The following NPRL3 variants were observed in gnomAD, a reference collection of about 807,000 sequenced individuals.
NPRL3 encodes the protein NPR3 like, GATOR1 complex subunit.
NPRL3 carries 23 observed loss-of-function variants against 57.2 expected under a neutral mutation model. The observed-to-expected ratio is 0.40, with a 90% CI of 0.29 to 0.57. The LOEUF (loss-of-function observed/expected upper bound fraction) is 0.57. Ranked by LOEUF, NPRL3 falls within the 20% of genes least tolerant of loss-of-function variation. The probability of loss-of-function intolerance (pLI) is 0.42; values close to 1 mark genes in which losing one functional copy is unlikely to be tolerated. For synonymous variants in NPRL3, 333 were observed against 321.1 expected (o/e 1.04, Z -0.39); for missense variants, 691 against 767.1 (o/e 0.90, Z 1.17).
intron 7 of NPRL3, 46 bp downstream of exon 7, chr16:110,479 G>A (rs899013241): frequency 6.1e-6 from 9 of 1,483,712 alleles, no homozygotes; most frequent in African/African-American, 1.4e-5. Context: ...GCCCAGGCAG[G>A]CTGGCCCATA....
chr16:95,049 C>T (rs1481709484), intron 9 of NPRL3, among the ~76,000 whole-genome samples: 1 of 152,074 alleles, frequency 6.6e-6, no homozygotes, highest in Non-Finnish European at 1.5e-5. Flanking sequence ...CGTCACTCCA[C>T]TCTGTCTCTG....
chr16:99,881 C>T (rs1359398165), intron 8 of NPRL3, among the ~76,000 whole-genome samples: 4 of 141,942 alleles, frequency 2.8e-5, no homozygotes, highest in Non-Finnish European at 4.5e-5. Context: ...AGTGGTGAGC[C>T]GGGATCGCAC....
intron 9 of NPRL3, among the ~76,000 whole-genome samples, chr16:94,740 C>A (rs1401448391): frequency 6.6e-6 from 1 of 152,134 alleles, no homozygotes; most frequent in Non-Finnish European, 1.5e-5. Context: ...TCCGCCAACC[C>A]CGACATGGCA....
Position 88,895 on chromosome 16 carries a change from G to A in NPRL3, c.1352-5C>T, listed in dbSNP as rs745831986. On this transcript the variant is annotated splice_polypyrimidine_tract_variant and splice_region_variant and intron_variant, in intron 12 of 13. Coordinates refer to ENST00000611875, the MANE Select transcript of NPRL3 (RefSeq NM_001077350.3). ...GGGTCATGTCATCGCTGCTGGCTGT[G>A]GGGGACATGGGTCAGGGTGACCAAG... The A allele has an allele frequency of 3.4e-5, 54 of 1,606,352 alleles. No individual in the cohort carries two copies. Among genetic ancestry groups the A allele is most frequent in the Non-Finnish European group, 4.3e-5 (51 of 1,173,746 alleles).
intron 3 of NPRL3, among the ~76,000 whole-genome samples, chr16:120,010 C>A (rs773288845): frequency 1.3e-5 from 2 of 152,166 alleles, no homozygotes; most frequent in Non-Finnish European, 2.9e-5. Context: ...TGTCTCCTTA[C>A]TGGCAATGCT....
chr16:87,126 G>A (rs1045656325), intron 13 of NPRL3, among the ~76,000 whole-genome samples: 1 of 152,244 alleles, frequency 6.6e-6, no homozygotes, highest in African/African-American at 2.4e-5. Context: ...AAACCCAGAG[G>A]TGCCCAAGCC....
intron 3 of NPRL3, among the ~76,000 whole-genome samples, chr16:127,716 A>G (rs544067605): frequency 4.8e-5 from 7 of 146,944 alleles, no homozygotes; most frequent in Admixed American, 1.4e-4. Flanking sequence ...GTGCAGTGGC[A>G]CAATCTTGGC....
At chr16:114,909 A>G (rs1183626325) in intron 5 of NPRL3, among the ~76,000 whole-genome samples, 1 of 151,968 alleles carries the variant, frequency 6.6e-6, no homozygotes, top group Admixed American at 6.6e-5. Flanking sequence ...AGACAGGCAT[A>G]TAAGGTTTGT....
intron 2 of NPRL3, among the ~76,000 whole-genome samples, chr16:131,597 CAAAA>C (rs59373757): frequency 1.4e-5 from 1 of 69,716 alleles, no homozygotes; most frequent in Admixed American, 1.9e-4. Flanking sequence ...GACTCAGTCT[CAAAA>C]AAAAAAAAAA....
chr16:91,985 C>G (rs1298739513), intron 11 of NPRL3, among the ~76,000 whole-genome samples: 5 of 152,226 alleles, frequency 3.3e-5, no homozygotes, highest in Non-Finnish European at 7.3e-5. Context: ...GTTCATCCCA[C>G]AGACCTGCAG....
rs1486947122 is a variant in NPRL3, at chr16:122,301, G to A, written c.189-3046C>T. On this transcript the variant is annotated intron_variant, in intron 3 of 13. Transcript: ENST00000611875. The stretch of plus-strand genomic sequence containing the variant: ...TTTAGTAGAGACAAGGTTTCACCAC[G>A]TTGGCCAGGCTGGTCTCGACCTCCT... Among the ~76,000 whole-genome samples the A allele has an allele frequency of 4.0e-5, 6 of 151,484 alleles. No individual in the cohort carries two copies. In the East Asian group the frequency reaches 9.7e-4, roughly 25 times the overall value.
chr16:120,073 C>T (rs922766173), intron 3 of NPRL3, among the ~76,000 whole-genome samples: 5 of 152,144 alleles, frequency 3.3e-5, no homozygotes, highest in African/African-American at 1.2e-4. Context: ...TGCAGGGGTG[C>T]TGTGGGTGGT....
intron 2 of NPRL3, among the ~76,000 whole-genome samples, chr16:134,694 A>ATTATTATTATTTTTTTTTTTT (rs1346965930): frequency 9.7e-6 from 1 of 103,428 alleles, no homozygotes; most frequent in African/African-American, 3.4e-5. Flanking sequence ...AATTATTATT[A>ATTATTATTATTTTTTTTTTTT]TTTTTTTTTT....
intron 7 of NPRL3, among the ~76,000 whole-genome samples, chr16:109,992 A>C (rs1462781577): frequency 3.1e-5 from 1 of 32,452 alleles, no homozygotes; most frequent in Non-Finnish European, 5.5e-5. Flanking sequence ...AAAAACAGCC[A>C]CTGGCCGGGC....
At chr16:99,445 C>T (rs1013062411) in intron 8 of NPRL3, among the ~76,000 whole-genome samples, 2 of 151,934 alleles carry the variant, frequency 1.3e-5, no homozygotes, top group Non-Finnish European at 2.9e-5. Context: ...GAGTTCAAGA[C>T]GAGCCTGGCC....
At position 85,614 on chromosome 16, in the gene NPRL3, A is replaced by C. The variant is rs1391882485; in HGVS notation, c.*1091T>G. On this transcript the variant is annotated 3_prime_UTR_variant, in exon 14 of 14. Transcript: ENST00000611875. ...GCACAGGATGAAGCTGTATGGCTGG[A>C]GCGTGGTCCCCTGGAGCCCAGTGAG... is the stretch of plus-strand genomic sequence containing the variant. 1 of 1,605,906 alleles carries C rather than the reference A, an allele frequency of 6.2e-7. No individual in the cohort carries two copies. The highest frequency in any genetic ancestry group is 1.7e-5 in the Admixed American group (1 of 59,614).
intron 9 of NPRL3, among the ~76,000 whole-genome samples, chr16:95,346 T>TACACACAC (rs1394224081): frequency 4.1e-4 from 19 of 46,408 alleles, no homozygotes; most frequent in African/African-American, 8.3e-4. Flanking sequence ...TATATATATA[T>TACACACAC]ATATACACAC....
At chr16:112,434 T>G (rs1281467198) in intron 6 of NPRL3, among the ~76,000 whole-genome samples, 188 bp downstream of exon 6, 1 of 152,218 alleles carries the variant, frequency 6.6e-6, no homozygotes, top group Admixed American at 6.5e-5. Flanking sequence ...GGACTTCATT[T>G]TCAATGCACA....
intron 3 of NPRL3, among the ~76,000 whole-genome samples, chr16:128,178 G>A (rs964704985): frequency 1.3e-5 from 2 of 152,064 alleles, no homozygotes; most frequent in Admixed American, 6.6e-5. Context: ...TTTTAGTAGA[G>A]GTAGGGTTTT....
Sources: gnomAD v4.1 joint callset for allele counts (sites outside exome capture counted in the v4.1 genomes callset) on GRCh38, gnomAD v4.1.1 for gene constraint, MANE v1.5 for transcripts, NCBI Gene and HGNC (gene_info 2026-07-23, HGNC 2026-07-21) for gene names.